GALNT2: variants seen among roughly 807,000 people sequenced by gnomAD.
The protein encoded by GALNT2 is UDP-GalNAc:polypeptide N-acetylgalactosaminyltransferase 2.
GALNT2 carries 31 observed loss-of-function variants against 81.4 expected under a neutral mutation model. That is an observed-to-expected ratio of 0.38 (90% CI 0.29 to 0.51). The LOEUF (loss-of-function observed/expected upper bound fraction) is 0.51. GALNT2 is among the 20% of genes least tolerant of loss of function. GALNT2 has a pLI of 0.87. For synonymous variants in GALNT2, 303 were observed against 287.4 expected (o/e 1.05, Z -0.55); for missense variants, 629 against 765.7 (o/e 0.82, Z 2.11).
intron 2 of GALNT2, among the ~76,000 whole-genome samples, chr1:230,196,365 C>G (rs1049762055): frequency 3.9e-5 from 6 of 152,182 alleles, no homozygotes; most frequent in African/African-American, 1.2e-4. Context: ...GATGGCGGGT[C>G]TTTCCAGTGA....
chr1:230,164,894 G>T (rs981640543), intron 1 of GALNT2, among the ~76,000 whole-genome samples: 4 of 152,016 alleles, frequency 2.6e-5, no homozygotes, highest in Non-Finnish European at 4.4e-5. Context: ...GTAGTGCCTG[G>T]ACCCCAAACC....
chr1:230,170,405 TG>T (rs2102856491), intron 1 of GALNT2, among the ~76,000 whole-genome samples: 1 of 152,370 alleles, frequency 6.6e-6, no homozygotes, highest in South Asian at 2.1e-4. Flanking sequence ...CACTCTTTCT[TG>T]TAAACCAAAC....
chr1:230,218,950 G>T (rs190746074), intron 3 of GALNT2, among the ~76,000 whole-genome samples: 23 of 152,318 alleles, frequency 1.5e-4, no homozygotes, highest in Admixed American at 1.0e-3. Flanking sequence ...ATAGGAGCAC[G>T]AACCCTATTG....
At chr1:230,186,633 A>G (rs1417878081) in intron 2 of GALNT2, among the ~76,000 whole-genome samples, 1 of 152,230 alleles carries the variant, frequency 6.6e-6, no homozygotes, top group African/African-American at 2.4e-5. Flanking sequence ...GGGAAAAGCC[A>G]TCTTCAGGTC....
Position 230,185,022 on chromosome 1 carries a change from G to C in GALNT2, c.220+6711G>C, listed in dbSNP as rs1040399597. Among the ~76,000 whole-genome samples the C allele has an allele frequency of 4.6e-5, 7 of 152,166 alleles. No individual in the cohort carries two copies. In the East Asian group the frequency reaches 1.2e-3, roughly 25 times the overall value. On this transcript the variant is annotated intron_variant, in intron 2 of 15. Transcript: ENST00000366672. ...CTCAGCATGTCATGTCTGCTAATGA[G>C]CCCATTAAAGACATTCCTCATTCTC...
At chr1:230,244,496 T>G (rs1244573718) in intron 7 of GALNT2, among the ~76,000 whole-genome samples, 1 of 131,160 alleles carries the variant, frequency 7.6e-6, no homozygotes, top group African/African-American at 2.9e-5. Flanking sequence ...CCCCACAACT[T>G]CTTGCTCTCC....
At chr1:230,232,359 A>C (rs1664891890) in intron 3 of GALNT2, among the ~76,000 whole-genome samples, 1 of 152,216 alleles carries the variant, frequency 6.6e-6, no homozygotes, top group Non-Finnish European at 1.5e-5. Flanking sequence ...AATGATACGA[A>C]TGCAGCAGCT....
At chr1:230,091,656 G>A (rs922380273) in intron 1 of GALNT2, 1 of 152,238 alleles carries the variant, frequency 6.6e-6, no homozygotes, top group African/African-American at 2.4e-5. Context: ...CTTTGCCAGT[G>A]GCTTCCGGGC....
chr1:230,280,042 A>G lies in GALNT2; in HGVS notation c.*584A>G, dbSNP rs1666395506. 4.4e-6 allele frequency: 2 copies of G among 455,792 alleles called. No individual in the cohort carries two copies. Among genetic ancestry groups the G allele is most frequent in the South Asian group, 1.5e-5 (1 of 64,562 alleles). The allele number at this position is 455,792 out of a possible 1,614,324, so 28.2% of individuals were successfully genotyped here. A position where few individuals can be genotyped will look rare whatever the true frequency, so the allele number is the denominator to read the frequency against. ...TGCTATATTGAGGATGAAGTTTTCT[A>G]TGGTGGGACACTAAATATAAAGCTA... On this transcript the variant is annotated 3_prime_UTR_variant, in exon 16 of 16. Transcript: ENST00000366672.
intron 15 of GALNT2, among the ~76,000 whole-genome samples, chr1:230,277,827 T>G (rs1041272282): frequency 6.6e-6 from 1 of 152,190 alleles, no homozygotes; most frequent in African/African-American, 2.4e-5. Context: ...CTTTGCCAGT[T>G]GGAACATTTG....
At chr1:230,254,225 G>A (rs1665636271) in intron 10 of GALNT2, among the ~76,000 whole-genome samples, 1 of 152,160 alleles carries the variant, frequency 6.6e-6, no homozygotes, top group Non-Finnish European at 1.5e-5. Flanking sequence ...GCAGGTACCT[G>A]GTTGGAAGGT....
At chr1:230,205,380 G>C (rs942092017) in intron 3 of GALNT2, among the ~76,000 whole-genome samples, 6 of 152,080 alleles carry the variant, frequency 3.9e-5, no homozygotes, top group Non-Finnish European at 7.3e-5. Flanking sequence ...GTGTGTTTGT[G>C]TGTTAATATC....
At chr1:230,064,029 C>T (rs1207641640), upstream of GALNT2, among the ~76,000 whole-genome samples, 1 of 152,050 alleles carries the variant, frequency 6.6e-6, no homozygotes, top group Non-Finnish European at 1.5e-5. Flanking sequence ...ATTTTTAGAA[C>T]TTTTGGGGTT....
At chr1:230,220,720 C>T (rs1470559773) in intron 3 of GALNT2, among the ~76,000 whole-genome samples, 2 of 152,148 alleles carry the variant, frequency 1.3e-5, no homozygotes, top group East Asian at 1.9e-4. Context: ...AACGAAGGTA[C>T]TTTTGTTAGG....
intron 1 of GALNT2, among the ~76,000 whole-genome samples, chr1:230,083,289 T>C (rs1013361742): frequency 1.5e-5 from 2 of 133,292 alleles, no homozygotes; most frequent in Admixed American, 1.6e-4. Flanking sequence ...GCCCAGATGT[T>C]GGAGCAGGCA....
intron 3 of GALNT2, among the ~76,000 whole-genome samples, chr1:230,211,995 A>G (rs182015403): frequency 6.6e-6 from 1 of 152,244 alleles, no homozygotes; most frequent in East Asian, 1.9e-4. Flanking sequence ...CGGTTGGAAC[A>G]TGTTTGGGGA....
rs752096499 is a variant in GALNT2 at position 230,076,445 on chromosome 1, G to A, written c.126+9039G>A. Among the ~76,000 whole-genome samples the A allele has an allele frequency of 1.2e-4, 19 of 152,320 alleles. No homozygotes were observed. In the Middle Eastern group the frequency reaches 0.01, roughly 82 times the overall value. On this transcript the variant is annotated intron_variant, in intron 1 of 15. Transcript: ENST00000366672. Reference sequence around the variant, plus strand: ...TGATGTGATCTTTGGGAGTTGCTGCGGGTGGGAGTGGGGTTTGTTGATTCA... The same window carrying A: ...TGATGTGATCTTTGGGAGTTGCTGCAGGTGGGAGTGGGGTTTGTTGATTCA...
chr1:230,217,906 AC>A (rs1664438478), intron 3 of GALNT2, among the ~76,000 whole-genome samples: 1 of 152,188 alleles, frequency 6.6e-6, no homozygotes, highest in African/African-American at 2.4e-5. Context: ...AAGTTGCAAC[AC>A]CTGAATTTTG....
In GALNT2 at chr1:230,243,179, A is replaced by T; in HGVS notation, c.608-127A>T. 8.0e-7 allele frequency: 1 copy of T among 1,246,054 alleles called. No individual in the cohort carries two copies. Among genetic ancestry groups the T allele is most frequent in the Non-Finnish European group, 1.1e-6 (1 of 921,786 alleles). 77.2% of individuals were successfully genotyped at this position (1,246,054 alleles called of 1,614,324 possible). A position where few individuals can be genotyped will look rare whatever the true frequency, so the allele number is the denominator to read the frequency against. ...AGTTTTGATCTCATCCAGCAAGTTT[A>T]CAGTAATGTCCGTGCCCAGAAAGCA... On this transcript the variant is annotated intron_variant, in intron 6 of 15. Transcript: ENST00000366672. This position sits in a 1 kb window ranked among gnomAD's most constrained non-coding sequence, Gnocchi z 4.2.
Sources: allele counts gnomAD v4.1 joint callset (sites outside exome capture counted in the v4.1 genomes callset), GRCh38; gene constraint gnomAD v4.1.1; non-coding constraint Gnocchi (gnomAD v3.1); transcripts MANE v1.5; gene names NCBI Gene and HGNC (gene_info 2026-07-23, HGNC 2026-07-21).